Variants in OVCH1 observed in about 807,000 individuals in gnomAD.
OVCH1 encodes ovochymase-1.
In OVCH1, 139 loss-of-function variants were observed where a neutral mutation model predicts 138.4. That is an observed-to-expected ratio of 1.00 (90% CI 0.87 to 1.16). The LOEUF (loss-of-function observed/expected upper bound fraction) is 1.16, where lower values mean the gene tolerates loss of function less well. Among genes scored for constraint, OVCH1 ranks in the 50% most tolerant of loss-of-function variants. The pLI is 0.00. For missense variants in OVCH1, 1,367 were observed against 1,357.9 expected (o/e 1.01, Z -0.11); for synonymous variants, 453 against 467.8 (o/e 0.97, Z 0.41).
intron 22 of OVCH1, among the ~76,000 whole-genome samples, chr12:29,445,788 T>G (rs559954980): frequency 2.6e-5 from 4 of 152,142 alleles, no homozygotes; most frequent in African/African-American, 9.6e-5. Flanking sequence ...ACCTGAAAAT[T>G]TATTATTTCC....
At chr12:29,407,323 C>A in the OVCH1 span, among the ~76,000 whole-genome samples, 2 of 113,332 alleles carry the variant, frequency 1.8e-5, no homozygotes, top group East Asian at 2.5e-4. Flanking sequence ...AGATCCCATT[C>A]GTCAATTTTG....
At chr12:29,446,242 T>G (rs978527081) in intron 22 of OVCH1, among the ~76,000 whole-genome samples, 4 of 152,118 alleles carry the variant, frequency 2.6e-5, no homozygotes, top group African/African-American at 9.7e-5. Flanking sequence ...TAGTAGGTTC[T>G]TCACAAATAC....
downstream of OVCH1, among the ~76,000 whole-genome samples, chr12:29,423,501 G>A (rs1941133595): frequency 6.6e-6 from 1 of 152,098 alleles, no homozygotes; most frequent in Non-Finnish European, 1.5e-5. Context: ...AAAGATCAAA[G>A]GGAAAGACCT....
intron 21 of OVCH1, among the ~76,000 whole-genome samples, chr12:29,454,390 C>T (rs1365762489): frequency 6.6e-6 from 1 of 152,120 alleles, no homozygotes; most frequent in Admixed American, 6.6e-5. Context: ...GATTTCAAAT[C>T]CTCCATTGCT....
intron 19 of OVCH1, among the ~76,000 whole-genome samples, chr12:29,456,838 T>G (rs1941964964): frequency 6.6e-6 from 1 of 152,236 alleles, no homozygotes; most frequent in Non-Finnish European, 1.5e-5. Context: ...TATAAACCAG[T>G]TGTATCAAAC....
At chr12:29,486,347 A>G (rs776867798) in exon 8 of OVCH1, 1 of 1,610,440 alleles carries the variant, frequency 6.2e-7, no homozygotes, top group South Asian at 1.1e-5. Flanking sequence ...CCCGATCCAA[A>G]CCTGTAAAAG....
rs534148222 is a variant in OVCH1 at position 29,455,141 on chromosome 12, T to G, written c.2437+108A>C. The G allele has an allele frequency of 2.4e-5, 32 of 1,344,140 alleles. No individual in the cohort carries two copies. The African/African-American group carries it at 4.6e-4, about 19-fold the overall frequency. 83.3% of individuals were successfully genotyped at this position (1,344,140 alleles called of 1,614,324 possible). A position where few individuals can be genotyped will look rare whatever the true frequency, so the allele number is the denominator to read the frequency against. On this transcript the variant is annotated intron_variant, in intron 20 of 27. Transcript: ENST00000318184. ...AGTGTGTTTAGTAACTAAATGAAAT[T>G]CTACTCTATGGTTTTCTCTTTCATG...
exon 1 of OVCH1, chr12:29,497,632 T>C (rs1565620367): frequency 6.2e-7 from 1 of 1,613,922 alleles, no homozygotes; most frequent in South Asian, 1.1e-5. Flanking sequence ...CCTAGGCTTC[T>C]GGGGTGGCCG....
downstream of OVCH1, among the ~76,000 whole-genome samples, chr12:29,423,966 C>T (rs1941141626): frequency 6.6e-6 from 1 of 152,054 alleles, no homozygotes; most frequent in South Asian, 2.1e-4. Flanking sequence ...TGGGAAAATG[C>T]CGAGACCAGC....
chr12:29,479,109 T>C (rs1942840554), intron 8 of OVCH1, among the ~76,000 whole-genome samples, 141 bp from the exon 10 acceptor site: 1 of 152,114 alleles, frequency 6.6e-6, no homozygotes, highest in Non-Finnish European at 1.5e-5. Context: ...CAATAGAACA[T>C]TGTGAGAAAA....
At chr12:29,416,406 G>A (rs1592021955) in intron 3 of OVCH1, among the ~76,000 whole-genome samples, 1 of 152,088 alleles carries the variant, frequency 6.6e-6, no homozygotes. Context: ...TGCAAACCAT[G>A]TATTTGACAA....
chr12:29,405,052 A>ACG, the OVCH1 span, among the ~76,000 whole-genome samples: 2 of 129,782 alleles, frequency 1.5e-5, no homozygotes, highest in Non-Finnish European at 3.4e-5. Context: ...AAAAAAAAAA[A>ACG]AAAACAAAAG....
At chr12:29,435,132 C>T (rs1368518471) in intron 26 of OVCH1, among the ~76,000 whole-genome samples, 1 of 152,124 alleles carries the variant, frequency 6.6e-6, no homozygotes, top group African/African-American at 2.4e-5. Flanking sequence ...TTATAACAGG[C>T]AAGTTGCAGT....
At chr12:29,439,467 CAAACAAA>C (rs759834776) in intron 25 of OVCH1, 49 of 1,344,104 alleles carry the variant, frequency 3.6e-5, no homozygotes, top group East Asian at 1.3e-4. Context: ...AACAAACAAA[CAAACAAA>C]AAACAAAAAG....
chr12:29,409,605 T>C (rs549874756), downstream of OVCH1, among the ~76,000 whole-genome samples: 96 of 152,292 alleles, frequency 6.3e-4, no homozygotes, highest in African/African-American at 2.3e-3. Flanking sequence ...AGTTTCTCTG[T>C]AGTTGAGTGG....
downstream of OVCH1, among the ~76,000 whole-genome samples, chr12:29,425,128 G>A (rs189172686): frequency 7.3e-4 from 111 of 152,284 alleles, 1 homozygote; most frequent in East Asian, 1.2e-3. Flanking sequence ...CAAATGGTAC[G>A]TAGATAATTA....
At chr12:29,427,265 A>G (rs1054743322), downstream of OVCH1, among the ~76,000 whole-genome samples, 42 of 152,160 alleles carry the variant, frequency 2.8e-4, no homozygotes, top group Non-Finnish European at 4.4e-4. Flanking sequence ...TAAAAATCAA[A>G]TATTTTCTGT....
exon 25 of OVCH1, chr12:29,443,457 G>T: frequency 5.0e-6 from 8 of 1,609,846 alleles, no homozygotes; most frequent in Non-Finnish European, 6.8e-6. Context: ...ATAATATTAA[G>T]CTGAATGATG....
chr12:29,489,048 G>GAA (rs1330767683), intron 6 of OVCH1, among the ~76,000 whole-genome samples: 7 of 151,686 alleles, frequency 4.6e-5, no homozygotes, highest in Non-Finnish European at 8.8e-5. Context: ...TAAAAGAGAA[G>GAA]ATAATTTACT....
Sources: gnomAD v4.1 joint callset for allele counts (sites outside exome capture counted in the v4.1 genomes callset) on GRCh38, gnomAD v4.1.1 for gene constraint, MANE v1.5 for transcripts, NCBI Gene and HGNC (gene_info 2026-07-23, HGNC 2026-07-21) for gene names.